ST8SIA4: variants seen among roughly 807,000 people sequenced by gnomAD.
ST8SIA4 encodes CMP-N-acetylneuraminate-poly-alpha-2,8-sialyltransferase.
Under a neutral mutation model 33.9 loss-of-function variants are expected in ST8SIA4, and 15 were observed. That is an observed-to-expected ratio of 0.44 (90% CI 0.30 to 0.68). The LOEUF is 0.68. ST8SIA4 is among the 30% of genes least tolerant of loss of function. The pLI is 0.10. For synonymous variants in ST8SIA4, 171 were observed against 151.2 expected (o/e 1.13, Z -0.96); for missense variants, 321 against 428.0 (o/e 0.75, Z 2.21).
chr5:100,901,549 C>A (rs1406360369), intron 1 of ST8SIA4, among the ~76,000 whole-genome samples: 1 of 152,144 alleles, frequency 6.6e-6, no homozygotes, highest in African/African-American at 2.4e-5. Flanking sequence ...TTCAAGCCAC[C>A]CAGTCTTGTG....
At chr5:100,865,139 T>TATG (rs1752036407) in intron 3 of ST8SIA4, among the ~76,000 whole-genome samples, 1 of 152,326 alleles carries the variant, frequency 6.6e-6, no homozygotes, top group Admixed American at 6.5e-5. Flanking sequence ...TCTTACCCCA[T>TATG]ATTTCACTAG....
chr5:100,846,948 T>C (rs1046382707), intron 4 of ST8SIA4, among the ~76,000 whole-genome samples: 2 of 152,162 alleles, frequency 1.3e-5, no homozygotes, highest in East Asian at 1.9e-4. Context: ...GGAAATAACA[T>C]TGTGACTGAA....
At chr5:100,815,452 T>C (rs1314220335) in intron 4 of ST8SIA4, among the ~76,000 whole-genome samples, 1 of 151,532 alleles carries the variant, frequency 6.6e-6, no homozygotes, top group Non-Finnish European at 1.5e-5. Context: ...TTCCCTCCTT[T>C]CTTCCTTCTT....
At chr5:100,840,354 A>G (rs1475405111) in intron 4 of ST8SIA4, among the ~76,000 whole-genome samples, 1 of 151,886 alleles carries the variant, frequency 6.6e-6, no homozygotes, top group African/African-American at 2.4e-5. Context: ...GTGTGTATAT[A>G]CATACATATG....
chr5:100,884,301 T>C (rs1752490127), intron 3 of ST8SIA4, among the ~76,000 whole-genome samples: 1 of 152,226 alleles, frequency 6.6e-6, no homozygotes, highest in Non-Finnish European at 1.5e-5. Flanking sequence ...AGCTTAGTAG[T>C]GGTCTAAATG....
intron 4 of ST8SIA4, among the ~76,000 whole-genome samples, chr5:100,852,977 A>G (rs557083750): frequency 6.6e-6 from 1 of 152,236 alleles, no homozygotes; most frequent in South Asian, 2.1e-4. Flanking sequence ...GATTATACAC[A>G]CCCTAAATTC....
intron 2 of ST8SIA4, among the ~76,000 whole-genome samples, chr5:100,891,274 T>A (rs570314728): frequency 6.7e-6 from 1 of 149,900 alleles, no homozygotes; most frequent in South Asian, 2.1e-4. Flanking sequence ...CTTTAGACAC[T>A]GACTACAAAA....
At chr5:100,834,692 C>T (rs190230168) in intron 4 of ST8SIA4, among the ~76,000 whole-genome samples, 115 of 152,090 alleles carry the variant, frequency 7.6e-4, no homozygotes, top group African/African-American at 2.6e-3. Flanking sequence ...GCTGTCCTTG[C>T]GATAGTGAGT....
At chr5:100,829,801 G>A (rs914689897) in intron 4 of ST8SIA4, among the ~76,000 whole-genome samples, 80 of 151,830 alleles carry the variant, frequency 5.3e-4, no homozygotes, top group Non-Finnish European at 9.7e-4. Context: ...CCAGCTACTC[G>A]GGAGGCTGAG....
chr5:100,817,546 G>A (rs536878813), intron 4 of ST8SIA4, among the ~76,000 whole-genome samples: 1 of 152,120 alleles, frequency 6.6e-6, no homozygotes, highest in East Asian at 1.9e-4. Flanking sequence ...AATATCTGCT[G>A]TTTTCTTCCC....
chr5:100,873,396 A>ACT (rs1752237840), intron 3 of ST8SIA4, among the ~76,000 whole-genome samples: 1 of 152,110 alleles, frequency 6.6e-6, no homozygotes, highest in Non-Finnish European at 1.5e-5. Flanking sequence ...ATTCCAACTA[A>ACT]TTAGCCAAAA....
At chr5:100,851,207 C>T (rs997000255) in intron 4 of ST8SIA4, among the ~76,000 whole-genome samples, 3 of 151,580 alleles carry the variant, frequency 2.0e-5, no homozygotes, top group South Asian at 2.1e-4. Flanking sequence ...GTGATCCACC[C>T]GCCTCGGCCT....
intron 2 of ST8SIA4, chr5:100,890,828 T>G (rs1752644828): frequency 6.6e-6 from 1 of 151,914 alleles, no homozygotes; most frequent in African/African-American, 2.4e-5. Context: ...CTAAATATCT[T>G]AGTCATAAAA....
At chr5:100,889,830 T>C (rs977661838) in intron 2 of ST8SIA4, among the ~76,000 whole-genome samples, 3 of 151,900 alleles carry the variant, frequency 2.0e-5, no homozygotes, top group Admixed American at 2.0e-4. Flanking sequence ...TGTTATAGGC[T>C]CAGCAGTATT....
intron 4 of ST8SIA4, among the ~76,000 whole-genome samples, chr5:100,835,274 G>A (rs768986324): frequency 1.9e-4 from 29 of 152,060 alleles, no homozygotes; most frequent in African/African-American, 5.3e-4. Flanking sequence ...GGAATTGTGA[G>A]ATATTTTGAC....
chr5:100,889,124 TG>T (rs1332593112), intron 2 of ST8SIA4, among the ~76,000 whole-genome samples: 1 of 151,950 alleles, frequency 6.6e-6, no homozygotes, highest in Non-Finnish European at 1.5e-5. Context: ...AAAGTGTTTA[TG>T]TCAAGCACTT....
At chr5:100,900,861 C>A (rs1255727627) in intron 1 of ST8SIA4, among the ~76,000 whole-genome samples, 1 of 152,214 alleles carries the variant, frequency 6.6e-6, no homozygotes, top group Non-Finnish European at 1.5e-5. Context: ...ATTCTTTCCC[C>A]CTCGCCGCCG....
chr5:100,839,361 A>G (rs1270044067), intron 4 of ST8SIA4, among the ~76,000 whole-genome samples: 3 of 152,006 alleles, frequency 2.0e-5, no homozygotes, highest in African/African-American at 4.8e-5. Context: ...TGCTCTGCAG[A>G]TGTCAGCTGA....
chr5:100,867,668 TTAAA>T (rs147240400), intron 3 of ST8SIA4, among the ~76,000 whole-genome samples: 1,763 of 152,132 alleles, frequency 0.012, 30 homozygotes, highest in African/African-American at 0.039. Context: ...ACTTTCTTGC[TTAAA>T]TAAACAAAAA....
Sources: allele counts gnomAD v4.1 joint callset (sites outside exome capture counted in the v4.1 genomes callset), GRCh38; gene constraint gnomAD v4.1.1; transcripts MANE v1.5; gene names NCBI Gene and HGNC (gene_info 2026-07-23, HGNC 2026-07-21).